The following RAP1GAP variants were observed in gnomAD, a reference collection of about 807,000 sequenced individuals.
RAP1GAP encodes RAP1 GTPase activating protein.
RAP1GAP carries 35 observed loss-of-function variants against 87.2 expected under a neutral mutation model. The observed-to-expected ratio is 0.40, with a 90% CI of 0.31 to 0.53. The LOEUF (loss-of-function observed/expected upper bound fraction) is 0.53. Among genes scored for constraint, RAP1GAP ranks in the 20% least tolerant of loss-of-function variants. The pLI, the probability that RAP1GAP is intolerant of heterozygous loss-of-function variation, is 0.48. For synonymous variants in RAP1GAP, 375 were observed against 363.9 expected (o/e 1.03, Z -0.35); for missense variants, 734 against 898.9 (o/e 0.82, Z 2.35).
chr1:21,646,147 G>A (rs1050056135), intron 2 of RAP1GAP, among the ~76,000 whole-genome samples: 25 of 152,154 alleles, frequency 1.6e-4, no homozygotes, highest in African/African-American at 5.8e-4. Flanking sequence ...CAGGGGAAGT[G>A]CTGGGCCCAG....
chr1:21,603,288 A>G lies in RAP1GAP; in HGVS notation c.1429-375T>C, dbSNP rs542617697. The stretch of plus-strand genomic sequence containing the variant: ...GGTCAGAGGGCAGTGTAGCAACCCA[A>G]GTCCCACCCCGTGCCAGCTAGGGCC... On this transcript the variant is annotated intron_variant, in intron 18 of 24. Coordinates refer to ENST00000374765, the MANE Select transcript of RAP1GAP (RefSeq NM_002885.4). This position sits in a 1 kb window ranked among gnomAD's most constrained non-coding sequence, Gnocchi z 6.0. 1.3e-4 allele frequency: 51 copies of G among 384,450 alleles called. No individual in the cohort carries two copies. The South Asian group carries it at 2.2e-3, about 17-fold the overall frequency. 23.8% of individuals were successfully genotyped at this position (384,450 alleles called of 1,614,324 possible).
At chr1:21,649,817 C>T in intron 1 of RAP1GAP, 21 bp from the exon 2 acceptor site, 1 of 1,551,422 alleles carries the variant, frequency 6.4e-7, no homozygotes, top group Non-Finnish European at 8.7e-7. Context: ...ACAAGAGGGG[C>T]CATAGGTGAG....
intron 7 of RAP1GAP, 75 bp downstream of exon 7, chr1:21,617,231 C>G: frequency 6.7e-7 from 1 of 1,494,984 alleles, no homozygotes; most frequent in East Asian, 2.5e-5. Flanking sequence ...GTTCTGCTCC[C>G]TCCCAGGCCC....
At chr1:21,663,776 C>T (rs1347813499) in intron 1 of RAP1GAP, among the ~76,000 whole-genome samples, 2 of 152,202 alleles carry the variant, frequency 1.3e-5, no homozygotes, top group African/African-American at 4.8e-5. Context: ...AGACACATGG[C>T]TCCCGTGGCC....
intron 7 of RAP1GAP, among the ~76,000 whole-genome samples, chr1:21,614,984 G>A (rs888266850): frequency 6.6e-5 from 10 of 152,216 alleles, no homozygotes; most frequent in Non-Finnish European, 1.2e-4. Context: ...TGTGCCCCAC[G>A]AATCCGCAGC....
chr1:21,634,264 C>T lies in RAP1GAP; in HGVS notation c.-112-7867G>A, dbSNP rs1308615741. ...GAGCCTAAGCAGACAGGCACAGGCACGGGAGGCTCCTGTGTCCCCTTTCCC... is the reference window on the plus strand; with the variant it reads ...GAGCCTAAGCAGACAGGCACAGGCATGGGAGGCTCCTGTGTCCCCTTTCCC... On this transcript the variant is annotated intron_variant, in intron 2 of 24. Coordinates refer to ENST00000374765, the MANE Select transcript of RAP1GAP (RefSeq NM_002885.4). This position sits in a 1 kb window ranked among gnomAD's most constrained non-coding sequence, Gnocchi z 4.1. Among the ~76,000 whole-genome samples the T allele has an allele frequency of 3.3e-5, 5 of 152,108 alleles. No homozygotes were observed. Among genetic ancestry groups the T allele is most frequent in the Non-Finnish European group, 5.9e-5 (4 of 68,000 alleles).
Position 21,649,770 on chromosome 1 carries a change from C to CG in RAP1GAP, c.-123dup. The CG allele has an allele frequency of 6.4e-7, 1 of 1,552,518 alleles. No homozygotes were observed. Among genetic ancestry groups the CG allele is most frequent in the Non-Finnish European group, 8.7e-7 (1 of 1,147,542 alleles). The stretch of plus-strand genomic sequence containing the variant: ...AGTCCCCAGTACTCACCACACACTC[C>CG]GGCGAGAAGTGAAGGACTTGTCCAC... On this transcript the variant is annotated 5_prime_UTR_variant, in exon 2 of 25. Coordinates refer to ENST00000374765, the MANE Select transcript of RAP1GAP (RefSeq NM_002885.4).
intron 3 of RAP1GAP, among the ~76,000 whole-genome samples, chr1:21,623,167 A>C (rs536592831): frequency 6.6e-6 from 1 of 152,228 alleles, no homozygotes; most frequent in South Asian, 2.1e-4. Context: ...GGAGATGGCC[A>C]CAGCACCTAG....
At chr1:21,632,462 G>C (rs887888547) in intron 2 of RAP1GAP, among the ~76,000 whole-genome samples, 1 of 152,336 alleles carries the variant, frequency 6.6e-6, no homozygotes, top group South Asian at 2.1e-4. Context: ...CCAATTGCCA[G>C]CAGGGCAAAC....
intron 2 of RAP1GAP, among the ~76,000 whole-genome samples, chr1:21,642,610 G>A (rs2095623418): frequency 6.6e-6 from 1 of 152,120 alleles, no homozygotes; most frequent in Non-Finnish European, 1.5e-5. Context: ...GCTCCTTGGA[G>A]CAGGGAGGAG....
At chr1:21,619,951 GC>G in intron 4 of RAP1GAP, 63 bp downstream of exon 4, 5 of 1,551,272 alleles carry the variant, frequency 3.2e-6, no homozygotes, top group South Asian at 2.2e-5. Context: ...TGCAGCAAGG[GC>G]CCCCCAGCCC....
In RAP1GAP at chr1:21,611,509, C is replaced by T. The variant is rs2078273830; in HGVS notation, c.786G>A (p.Lys262=). 3 of 1,614,184 alleles carry T rather than the reference C, an allele frequency of 1.9e-6. No individual in the cohort carries two copies. The highest frequency in any genetic ancestry group is 1.7e-6 in the Non-Finnish European group (2 of 1,180,032). Residue 262 remains lysine, a synonymous_variant, in exon 13 of 25, where the codon AAG becomes AAA. Coordinates refer to ENST00000374765, the MANE Select transcript of RAP1GAP (RefSeq NM_002885.4). ...TESVYCNFRN[K]EIMFHVSTKL... is the part of the protein sequence containing the mutation. ...TGGTGGACACGTGAAACATGATCTC[C>T]TTGTTGCGGAAGTTGCAGTACACAG... is the stretch of plus-strand genomic sequence containing the variant.
chr1:21,601,506 G>A (rs1038234552), intron 20 of RAP1GAP, among the ~76,000 whole-genome samples, 178 bp downstream of exon 20: 1 of 152,226 alleles, frequency 6.6e-6, no homozygotes, highest in South Asian at 2.1e-4. Flanking sequence ...GGGGCTGGGC[G>A]TGCACAAAGT....
intron 3 of RAP1GAP, among the ~76,000 whole-genome samples, chr1:21,620,669 C>T (rs1239791916): frequency 6.6e-6 from 1 of 152,172 alleles, no homozygotes; most frequent in Non-Finnish European, 1.5e-5. Context: ...GCCTCTCCAG[C>T]GCCAACTCCC....
chr1:21,659,650 C>G (rs2097034286), intron 1 of RAP1GAP, among the ~76,000 whole-genome samples: 1 of 152,204 alleles, frequency 6.6e-6, no homozygotes, highest in Non-Finnish European at 1.5e-5. Context: ...GAGGCTGATC[C>G]TGCAAGAGTT....
At chr1:21,658,608 A>G (rs1460134644) in intron 1 of RAP1GAP, among the ~76,000 whole-genome samples, 1 of 151,612 alleles carries the variant, frequency 6.6e-6, no homozygotes, top group Non-Finnish European at 1.5e-5. Context: ...TAGGCTGGGC[A>G]AGGTGGTTCA....
At chr1:21,598,125 G>C in intron 22 of RAP1GAP, 61 bp from the exon 23 acceptor site, 1 of 1,112,222 alleles carries the variant, frequency 9.0e-7, no homozygotes, top group Non-Finnish European at 1.3e-6. Context: ...AGGGAGACGG[G>C]GGCATAGGTG....
At chr1:21,598,722 C>G (rs1448278615) in intron 21 of RAP1GAP, among the ~76,000 whole-genome samples, 1 of 152,240 alleles carries the variant, frequency 6.6e-6, no homozygotes, top group Non-Finnish European at 1.5e-5. Flanking sequence ...CACTCACTCA[C>G]TCAACAAACA....
At chr1:21,660,722 C>T (rs1357339093) in intron 1 of RAP1GAP, among the ~76,000 whole-genome samples, 1 of 152,108 alleles carries the variant, frequency 6.6e-6, no homozygotes, top group African/African-American at 2.4e-5. Context: ...AGAGTGATGG[C>T]GTGTTAAACA....
Sources: gnomAD v4.1 joint callset for allele counts (sites outside exome capture counted in the v4.1 genomes callset) on GRCh38, gnomAD v4.1.1 for gene constraint, Gnocchi (gnomAD v3.1) non-coding constraint, MANE v1.5 for transcripts, NCBI Gene and HGNC (gene_info 2026-07-23, HGNC 2026-07-21) for gene names.